The following COMMD1 variants were observed in gnomAD, a reference collection of about 807,000 sequenced individuals.
COMMD1 encodes the protein copper metabolism domain containing 1.
Under a neutral mutation model 17.2 loss-of-function variants are expected in COMMD1, and 10 were observed. That is an observed-to-expected ratio of 0.58 (90% CI 0.36 to 0.99). COMMD1 has a LOEUF of 0.99. Ranked by LOEUF, COMMD1 falls within the 50% of genes least tolerant of loss-of-function variation. The probability of loss-of-function intolerance (pLI) is 0.01; values close to 1 mark genes in which losing one functional copy is unlikely to be tolerated. For missense variants in COMMD1, 270 were observed against 231.8 expected (o/e 1.17, Z -1.07); for synonymous variants, 97 against 91.6 (o/e 1.06, Z -0.34).
At chr2:62,073,714 A>T (rs1671261889) in intron 2 of COMMD1, among the ~76,000 whole-genome samples, 1 of 152,132 alleles carries the variant, frequency 6.6e-6, no homozygotes, top group Admixed American at 6.5e-5. Flanking sequence ...TTATTTATTT[A>T]TGAGACAAAA....
intron 2 of COMMD1, among the ~76,000 whole-genome samples, chr2:62,083,210 C>A (rs2103982918): frequency 6.6e-6 from 1 of 152,176 alleles, no homozygotes; most frequent in South Asian, 2.1e-4. Context: ...TTGCAGTGAG[C>A]CATGATTGTG....
intron 2 of COMMD1, among the ~76,000 whole-genome samples, chr2:62,096,664 G>T (rs566894548): frequency 6.6e-6 from 1 of 152,264 alleles, no homozygotes; most frequent in South Asian, 2.1e-4. Context: ...TTTAGTTTTG[G>T]GCAGGGGAAA....
intron 1 of COMMD1, among the ~76,000 whole-genome samples, chr2:61,943,206 C>T (rs1437106549): frequency 5.3e-5 from 8 of 152,148 alleles, no homozygotes; most frequent in South Asian, 2.1e-4. Context: ...TTAAAATGTG[C>T]GCAAGAACAG....
At chr2:62,064,133 C>A (rs931022567) in intron 2 of COMMD1, among the ~76,000 whole-genome samples, 1 of 151,514 alleles carries the variant, frequency 6.6e-6, no homozygotes, top group African/African-American at 2.4e-5. Context: ...TTATTTGTTT[C>A]TGCTGATTAT....
intron 1 of COMMD1, among the ~76,000 whole-genome samples, chr2:61,933,343 G>A (rs1027874054): frequency 1.3e-5 from 2 of 151,872 alleles, no homozygotes; most frequent in African/African-American, 4.8e-5. Flanking sequence ...AGCTGCTTGT[G>A]TTGCTCTGCC....
chr2:61,888,634 G>A (rs898658029), upstream of COMMD1: 10 of 1,169,458 alleles, frequency 8.6e-6, no homozygotes, highest in African/African-American at 6.3e-5. Context: ...CGCCGGCGTC[G>A]GGAGGAGGCG....
intron 1 of COMMD1, among the ~76,000 whole-genome samples, chr2:61,908,470 C>T (rs1284386830): frequency 6.6e-6 from 1 of 152,126 alleles, no homozygotes; most frequent in African/African-American, 2.4e-5. Context: ...CATGATCTGC[C>T]TGCCTCAGCC....
intron 2 of COMMD1, among the ~76,000 whole-genome samples, chr2:62,036,595 C>T (rs1670045272): frequency 6.6e-6 from 1 of 152,176 alleles, no homozygotes; most frequent in Non-Finnish European, 1.5e-5. Context: ...AGTGGCTCCT[C>T]TGGAGCTGAT....
chr2:62,037,833 G>C (rs1670080549), intron 2 of COMMD1, among the ~76,000 whole-genome samples: 1 of 152,226 alleles, frequency 6.6e-6, no homozygotes, highest in South Asian at 2.1e-4. Context: ...TTAGTAGAAA[G>C]ATCTAGGAGT....
In COMMD1 at chr2:62,000,708, C is replaced by T. The variant is rs531163927; in HGVS notation, c.188C>T (p.Ala63Val). 19 of 1,614,048 alleles carry T rather than the reference C, an allele frequency of 1.2e-5. No individual in the cohort carries two copies. The highest frequency in any genetic ancestry group is 1.5e-5 in the Non-Finnish European group (18 of 1,180,004). The change falls in exon 2 of 3, where the codon GCG becomes GTG. Residue 63 changes from alanine (A) to valine (V), a missense_variant. Transcript: ENST00000311832. ...TTTCTGTCATCTTTATAGTCTATTG[C>T]GTCTGCAGACATGGATTTCAACCAG... ...AKMRGILKSI[A>V]SADMDFNQLE... is the part of the protein sequence containing the mutation.
At chr2:61,923,958 G>A (rs558271569) in intron 1 of COMMD1, among the ~76,000 whole-genome samples, 1 of 152,156 alleles carries the variant, frequency 6.6e-6, no homozygotes, top group African/African-American at 2.4e-5. Context: ...TGTATTTTTT[G>A]TAGAGATGGG....
rs375449652 is a variant in COMMD1, at chr2:61,979,310, C to T, written c.181-21391C>T. ...TGTCCAACATGGTGAAACCCCGTCT[C>T]TACTAAAAATACAAAAATTAGCCAG... On this transcript the variant is annotated intron_variant, in intron 1 of 2. Transcript: ENST00000311832. Among the ~76,000 whole-genome samples the T allele has an allele frequency of 3.9e-5, 6 of 152,046 alleles. No homozygotes were observed. In the East Asian group the frequency reaches 9.6e-4, roughly 24 times the overall value.
At chr2:62,056,449 C>G (rs773019500) in intron 2 of COMMD1, among the ~76,000 whole-genome samples, 2 of 152,180 alleles carry the variant, frequency 1.3e-5, no homozygotes, top group Non-Finnish European at 2.9e-5. Flanking sequence ...ATTTCAGTGA[C>G]ACAGAATGGG....
chr2:62,102,261 A>T (rs1672202754), intron 2 of COMMD1, among the ~76,000 whole-genome samples: 1 of 152,186 alleles, frequency 6.6e-6, no homozygotes, highest in Admixed American at 6.5e-5. Flanking sequence ...ACTAGACTTA[A>T]ATTTATATAA....
Position 62,100,922 on chromosome 2 carries a change from A to G in COMMD1, c.463-34909A>G, listed in dbSNP as rs537755293. 5.5e-4 allele frequency among the ~76,000 whole-genome samples: 84 copies of G among 152,280 alleles called. 1 individual carries two copies. The South Asian group carries it at 0.016, about 30-fold the overall frequency. On this transcript the variant is annotated intron_variant, in intron 2 of 2. Transcript: ENST00000311832. The stretch of plus-strand genomic sequence containing the variant: ...GGACATTTTCAAGATATGGCAGAGA[A>G]ACATGTTTTGGGATTAAATATTTTG...
chr2:62,004,312 G>T (rs985160786), intron 2 of COMMD1, among the ~76,000 whole-genome samples: 1 of 151,930 alleles, frequency 6.6e-6, no homozygotes, highest in Non-Finnish European at 1.5e-5. Flanking sequence ...CTTTTTATTT[G>T]TTTTTTGAGA....
intron 2 of COMMD1, among the ~76,000 whole-genome samples, chr2:62,133,954 G>C (rs1290142643): frequency 6.6e-6 from 1 of 152,020 alleles, no homozygotes; most frequent in African/African-American, 2.4e-5. Context: ...ACCATGTCTG[G>C]CTTTTTTAAA....
Position 61,905,834 on chromosome 2 carries a change from G to A in COMMD1, c.156G>A (p.Leu52=), listed in dbSNP as rs1386692648. The change falls in exon 1 of 3, where the codon CTG becomes CTA. Residue 52 remains leucine, a synonymous_variant. Coordinates refer to ENST00000311832, the MANE Select transcript of COMMD1 (RefSeq NM_152516.4). ...CACCCGAGGAGTTCCGCCCCTTTCTGGCAAAGATGAGGGGGATTCTTAAGG... is the reference window on the plus strand; with the variant it reads ...CACCCGAGGAGTTCCGCCCCTTTCTAGCAAAGATGAGGGGGATTCTTAAGG... ...EVPPEEFRPF[L]AKMRGILKSI... 6.2e-7 allele frequency: 1 copy of A among 1,614,208 alleles called. No homozygotes were observed.
At chr2:62,073,767 C>T (rs527395538) in intron 2 of COMMD1, among the ~76,000 whole-genome samples, 12 of 152,218 alleles carry the variant, frequency 7.9e-5, no homozygotes, top group Non-Finnish European at 1.2e-4. Context: ...GGTGCGATCT[C>T]GGCTCACTGC....
Sources: allele counts gnomAD v4.1 joint callset (sites outside exome capture counted in the v4.1 genomes callset), GRCh38; gene constraint gnomAD v4.1.1; transcripts MANE v1.5; gene names NCBI Gene and HGNC (gene_info 2026-07-23, HGNC 2026-07-21).